FAT3: variants seen among roughly 807,000 people sequenced by gnomAD.
FAT3 encodes the protein protocadherin Fat 3.
In FAT3, 95 loss-of-function variants were observed where a neutral mutation model predicts 310.2. The ratio of observed to expected loss-of-function variants is 0.31; its 90% CI spans 0.26 to 0.36. The LOEUF is 0.36. Among genes scored for constraint, FAT3 ranks in the 10% least tolerant of loss-of-function variants. The pLI, the probability that FAT3 is intolerant of heterozygous loss-of-function variation, is 1.00. For synonymous variants in FAT3, 2,314 were observed against 2,192.9 expected, an observed-to-expected ratio of 1.06 and a Z score of -1.54; for missense variants, 5,408 against 5,715.6, an observed-to-expected ratio of 0.95 and a Z score of 1.74.
intron 2 of FAT3, among the ~76,000 whole-genome samples, chr11:92,387,117 A>C (rs1245823464): frequency 2.0e-5 from 3 of 147,582 alleles, no homozygotes; most frequent in South Asian, 4.2e-4. Context: ...TGTGTAACAG[A>C]GGGAAGGAAC....
At chr11:92,339,881 A>G (rs1326715212) in intron 1 of FAT3, among the ~76,000 whole-genome samples, 3 of 152,132 alleles carry the variant, frequency 2.0e-5, no homozygotes, top group African/African-American at 7.2e-5. Flanking sequence ...TGGGAGGCCA[A>G]GATGGGCGAT....
intron 6 of FAT3, among the ~76,000 whole-genome samples, chr11:92,767,470 A>G (rs181998310): frequency 6.6e-6 from 1 of 152,178 alleles, no homozygotes; most frequent in Admixed American, 6.5e-5. Context: ...GCTGACCCGT[A>G]GTACATCCCA....
chr11:92,361,234 G>T (rs117195181), intron 2 of FAT3, among the ~76,000 whole-genome samples: 2,097 of 152,204 alleles, frequency 0.014, 23 homozygotes, highest in Middle Eastern at 0.034. Context: ...GTGCAAACTT[G>T]CAGTGCCTCT....
chr11:92,343,971 G>T (rs968343089), intron 1 of FAT3, among the ~76,000 whole-genome samples: 2 of 152,264 alleles, frequency 1.3e-5, no homozygotes, highest in Non-Finnish European at 1.5e-5. Context: ...TGCAGTATAG[G>T]TGTGGGGTAT....
At chr11:92,776,753 A>T (rs757794361) in intron 7 of FAT3, among the ~76,000 whole-genome samples, 5 of 152,274 alleles carry the variant, frequency 3.3e-5, no homozygotes, top group South Asian at 2.1e-4. Flanking sequence ...TTCTTGTCTA[A>T]AGTATTCAAG....
intron 3 of FAT3, chr11:92,559,588 A>G (rs1287321716): frequency 4.8e-6 from 1 of 208,978 alleles, no homozygotes; most frequent in Non-Finnish European, 1.0e-5. Context: ...ATGTTGCCCA[A>G]GCTGGTCTTG....
intron 1 of FAT3, among the ~76,000 whole-genome samples, chr11:92,255,340 T>TA (rs200782534): frequency 0.15 from 21,760 of 148,832 alleles, 1,731 homozygotes; most frequent in East Asian, 0.29. Flanking sequence ...GGGTTTTTTT[T>TA]TAAAAAAAAA....
rs530992634 is a variant in FAT3, at chr11:92,797,677, A to T, written c.4823-159A>T. Among the ~76,000 whole-genome samples, 11 of 152,314 alleles carry T rather than the reference A, an allele frequency of 7.2e-5. No individual in the cohort carries two copies. In the East Asian group the frequency reaches 2.1e-3, roughly 29 times the overall value. ...TTTGGTTCCTTTTCAGTACCCCTGA[A>T]AGAGAAGCCTCTCATTTTATTTCAG... On this transcript the variant is annotated intron_variant, in intron 9 of 27. Coordinates refer to ENST00000525166, the MANE Select transcript of FAT3 (RefSeq NM_001367949.2).
intron 22 of FAT3, among the ~76,000 whole-genome samples, chr11:92,868,585 T>C (rs1194829086): frequency 2.0e-5 from 3 of 152,164 alleles, no homozygotes. Flanking sequence ...GAGCATATAA[T>C]TAAATTGGGT....
At chr11:92,430,056 A>C (rs1950731196) in intron 2 of FAT3, among the ~76,000 whole-genome samples, 2 of 152,252 alleles carry the variant, frequency 1.3e-5, no homozygotes, top group South Asian at 2.1e-4. Context: ...CCCATATTTC[A>C]TGGAGGTTTT....
chr11:92,807,949 C>T (rs1372113758), intron 12 of FAT3, among the ~76,000 whole-genome samples: 1 of 152,134 alleles, frequency 6.6e-6, no homozygotes, highest in Non-Finnish European at 1.5e-5. Context: ...TGTGTTGGTT[C>T]TAGTGAACAA....
chr11:92,369,757 G>T (rs1949135515), intron 2 of FAT3, among the ~76,000 whole-genome samples: 1 of 152,136 alleles, frequency 6.6e-6, no homozygotes, highest in Admixed American at 6.5e-5. Context: ...TGAGGCAGGA[G>T]AATCGCTTGA....
rs964032974 is a variant in FAT3, at chr11:92,729,049, T to C, written c.3669+31604T>C. Among the ~76,000 whole-genome samples, 3 of 152,330 alleles carry C rather than the reference T, an allele frequency of 2.0e-5. No individual in the cohort carries two copies. The South Asian group carries it at 6.2e-4, about 32-fold the overall frequency. On this transcript the variant is annotated intron_variant, in intron 4 of 27. Transcript: ENST00000525166. ...CTACACAGGGGTTACATTGTTTCTGTTGAGAATCACAATTCACAGAAAGGG... is the reference window on the plus strand; with the variant it reads ...CTACACAGGGGTTACATTGTTTCTGCTGAGAATCACAATTCACAGAAAGGG...
intron 13 of FAT3, among the ~76,000 whole-genome samples, chr11:92,821,882 G>A (rs1295899444): frequency 6.6e-6 from 1 of 152,116 alleles, no homozygotes; most frequent in African/African-American, 2.4e-5. Context: ...CCAGATGCAG[G>A]GCCATGACAC....
At chr11:92,364,930 A>G (rs1238927566) in intron 2 of FAT3, among the ~76,000 whole-genome samples, 1 of 152,200 alleles carries the variant, frequency 6.6e-6, no homozygotes. Flanking sequence ...TTGAATATGA[A>G]ATGTCTTGAA....
At chr11:92,448,142 C>G (rs1411739935) in intron 2 of FAT3, among the ~76,000 whole-genome samples, 1 of 152,012 alleles carries the variant, frequency 6.6e-6, no homozygotes, top group Admixed American at 6.6e-5. Flanking sequence ...TCACACTTAC[C>G]TTTTAGAGTT....
chr11:92,665,163 G>C (rs1942910979), intron 3 of FAT3, among the ~76,000 whole-genome samples: 1 of 152,124 alleles, frequency 6.6e-6, no homozygotes. Context: ...ATCTCTGTTT[G>C]CCTCAAAAAT....
chr11:92,524,707 C>T lies in FAT3; in HGVS notation c.3366C>T (p.Asp1122=), dbSNP rs1953793566. 6.2e-7 allele frequency: 1 copy of T among 1,613,878 alleles called. No homozygotes were observed. The highest frequency in any genetic ancestry group is 1.3e-5 in the African/African-American group (1 of 75,030). ...GSYWLTVYAT[D]RGVVPLYSTI... Reference sequence around the variant, plus strand: ...ACTGGCTAACAGTGTATGCCACAGACAGGGGCGTTGTTCCACTCTACTCCA... The same window carrying T: ...ACTGGCTAACAGTGTATGCCACAGATAGGGGCGTTGTTCCACTCTACTCCA... The change falls in exon 3 of 28, where the codon GAC becomes GAT. Residue 1122 remains aspartate (D), a synonymous_variant. Coordinates refer to ENST00000525166, the MANE Select transcript of FAT3 (RefSeq NM_001367949.2).
chr11:92,506,943 C>T (rs759642429), intron 2 of FAT3, among the ~76,000 whole-genome samples: 1 of 152,208 alleles, frequency 6.6e-6, no homozygotes, highest in Non-Finnish European at 1.5e-5. Context: ...CTTCTCTTTT[C>T]TCCTCTTCTT....
Sources: gnomAD v4.1 joint callset for allele counts (sites outside exome capture counted in the v4.1 genomes callset) on GRCh38, gnomAD v4.1.1 for gene constraint, MANE v1.5 for transcripts, NCBI Gene and HGNC (gene_info 2026-07-23, HGNC 2026-07-21) for gene names.